Variants in VAV2 observed in about 807,000 individuals in gnomAD.
VAV2 encodes vav guanine nucleotide exchange factor 2.
VAV2 carries 67 observed loss-of-function variants against 132.5 expected under a neutral mutation model. The observed-to-expected ratio is 0.51, with a 90% CI of 0.42 to 0.62. VAV2 has a LOEUF of 0.62. Ranked by LOEUF, VAV2 falls within the 20% of genes least tolerant of loss-of-function variation. The pLI is 0.00. For missense variants in VAV2, 938 were observed against 1,153.6 expected, an observed-to-expected ratio of 0.81 and a Z score of 2.71; for synonymous variants, 492 against 443.5, an observed-to-expected ratio of 1.11 and a Z score of -1.37.
In VAV2 at chr9:133,812,099, C is replaced by T. The variant is rs369625256; in HGVS notation, c.552+15G>A. On this transcript the variant is annotated intron_variant, in intron 5 of 29. Coordinates refer to ENST00000371850, the MANE Select transcript of VAV2 (RefSeq NM_001134398.2). ...GAAGGGAGGGGAAGGGAGGGAGGAGCGGGGCAGGGCTCACCATGGGCTGCT... is the reference window on the plus strand; with the variant it reads ...GAAGGGAGGGGAAGGGAGGGAGGAGTGGGGCAGGGCTCACCATGGGCTGCT... 26 of 1,612,044 alleles carry T rather than the reference C, an allele frequency of 1.6e-5. No homozygotes were observed. Among genetic ancestry groups the T allele is most frequent in the East Asian group, 6.7e-5 (3 of 44,850 alleles).
In VAV2 at chr9:133,857,499, C is replaced by T. The variant is rs1251609141; in HGVS notation, c.380+3875G>A. On this transcript the variant is annotated intron_variant, in intron 3 of 29. Transcript: ENST00000371850. This position sits in a 1 kb window ranked among gnomAD's most constrained non-coding sequence, Gnocchi z 4.0. ...AGGAGCACGTTGGGCTCCTACCCAG[C>T]CATGAAATGAGGGAGAGATTCTTCA... 1.3e-5 allele frequency among the ~76,000 whole-genome samples: 2 copies of T among 152,190 alleles called. No individual in the cohort carries two copies. Among genetic ancestry groups the T allele is most frequent in the South Asian group, 2.1e-4 (1 of 4,830 alleles).
intron 4 of VAV2, among the ~76,000 whole-genome samples, chr9:133,822,702 C>A (rs180802886): frequency 2.6e-5 from 4 of 152,182 alleles, no homozygotes; most frequent in Admixed American, 2.6e-4. Context: ...GAAGGAGACC[C>A]GTCCACCGGA....
At chr9:133,830,182 C>T (rs1286886147) in intron 4 of VAV2, among the ~76,000 whole-genome samples, 1 of 152,186 alleles carries the variant, frequency 6.6e-6, no homozygotes, top group East Asian at 1.9e-4. Context: ...TCTGGGCAGT[C>T]AGCGGAGTCC....
At chr9:133,783,361 T>C (rs2510232) in intron 19 of VAV2, 142 bp downstream of exon 19, 659,117 of 750,696 alleles carry the variant, frequency 0.88, 290,855 homozygotes, top group East Asian at 1. Flanking sequence ...TGGTGTCTGC[T>C]CTGGGGCACG....
chr9:133,895,319 G>A (rs1175273082), intron 2 of VAV2, among the ~76,000 whole-genome samples: 2 of 152,132 alleles, frequency 1.3e-5, no homozygotes, highest in East Asian at 1.9e-4. Flanking sequence ...GAGGCAGGAG[G>A]CCACCATTCA....
rs759861136 is a variant in VAV2 at position 133,806,204 on chromosome 9, G to A, written c.736-23C>T. On this transcript the variant is annotated intron_variant, in intron 8 of 29. Coordinates refer to ENST00000371850, the MANE Select transcript of VAV2 (RefSeq NM_001134398.2). ...GTCCTGGGTTGAAAACCAGCCGTGA[G>A]TGCCTGGCCAGGCCCACCCAAGGCT... is the stretch of plus-strand genomic sequence containing the variant. The A allele has an allele frequency of 3.7e-6, 6 of 1,604,238 alleles. No individual in the cohort carries two copies. In the Admixed American group the frequency reaches 8.4e-5, roughly 23 times the overall value.
chr9:133,779,674 C>T (rs1271761611), intron 21 of VAV2, among the ~76,000 whole-genome samples: 1 of 152,172 alleles, frequency 6.6e-6, no homozygotes, highest in African/African-American at 2.4e-5. Flanking sequence ...GGCCCTTGCT[C>T]CTCTGCAGGC....
At chr9:133,801,738 C>T (rs762888829) in intron 9 of VAV2, among the ~76,000 whole-genome samples, 1 of 152,168 alleles carries the variant, frequency 6.6e-6, no homozygotes, top group African/African-American at 2.4e-5. Context: ...GTGGCCCTGA[C>T]TCCAATGAGA....
intron 1 of VAV2, among the ~76,000 whole-genome samples, chr9:133,981,886 T>TG (rs1307812482): frequency 6.0e-5 from 9 of 151,094 alleles, no homozygotes; most frequent in African/African-American, 2.2e-4. Flanking sequence ...AGGGCGGGGG[T>TG]GGGGGTCATG....
At chr9:133,871,500 G>A (rs1838053794) in intron 2 of VAV2, among the ~76,000 whole-genome samples, 1 of 151,306 alleles carries the variant, frequency 6.6e-6, no homozygotes, top group Non-Finnish European at 1.5e-5. Context: ...ATGGATGGAT[G>A]GATGGATGGA....
At chr9:133,838,192 C>T (rs1330345652) in intron 3 of VAV2, among the ~76,000 whole-genome samples, 1 of 151,976 alleles carries the variant, frequency 6.6e-6, no homozygotes, top group African/African-American at 2.4e-5. Flanking sequence ...CTGCTCTCTG[C>T]CTTTAGTCCC....
chr9:133,860,308 A>G (rs1317398706), intron 3 of VAV2, among the ~76,000 whole-genome samples: 1 of 152,122 alleles, frequency 6.6e-6, no homozygotes, highest in African/African-American at 2.4e-5. Context: ...GCTCAAAAAA[A>G]AAAAAAAGTC....
intron 20 of VAV2, chr9:133,780,187 C>T: frequency 1.8e-6 from 1 of 549,136 alleles, no homozygotes; most frequent in Non-Finnish European, 3.2e-6. Context: ...CCACGGGCCC[C>T]CACCTCCTCC....
At chr9:133,985,046 T>C (rs1842806540) in intron 1 of VAV2, among the ~76,000 whole-genome samples, 1 of 152,132 alleles carries the variant, frequency 6.6e-6, no homozygotes, top group Non-Finnish European at 1.5e-5. Flanking sequence ...CTGGCAGCAC[T>C]GATATAGACA....
At chr9:133,907,432 ACCT>A (rs1839699077) in intron 2 of VAV2, among the ~76,000 whole-genome samples, 1 of 152,208 alleles carries the variant, frequency 6.6e-6, no homozygotes, top group African/African-American at 2.4e-5. Flanking sequence ...GACAGAAGGA[ACCT>A]CACAGCCACG....
intron 2 of VAV2, among the ~76,000 whole-genome samples, 180 bp from the exon 3 acceptor site, chr9:133,861,612 A>T (rs1249752793): frequency 2.0e-5 from 3 of 152,158 alleles, no homozygotes; most frequent in African/African-American, 7.2e-5. Flanking sequence ...GCTGAGCAAA[A>T]CTTGTCATTT....
intron 13 of VAV2, among the ~76,000 whole-genome samples, 188 bp downstream of exon 13, chr9:133,791,595 G>A (rs1029552364): frequency 6.6e-6 from 1 of 151,602 alleles, no homozygotes; most frequent in Non-Finnish European, 1.5e-5. Flanking sequence ...TGGGTTGGCT[G>A]TCGTGGGCAA....
intron 17 of VAV2, among the ~76,000 whole-genome samples, chr9:133,784,831 C>A (rs1050565572): frequency 1.3e-5 from 2 of 152,134 alleles, no homozygotes; most frequent in African/African-American, 2.4e-5. Flanking sequence ...GGGGGCTGCA[C>A]TGGTGTGCAA....
At chr9:133,819,448 C>CAAAA (rs532943477) in intron 4 of VAV2, among the ~76,000 whole-genome samples, 2 of 136,452 alleles carry the variant, frequency 1.5e-5, no homozygotes, top group South Asian at 2.3e-4. Context: ...GGCTCCGTCT[C>CAAAA]AAAAAAAAAA....
Sources: allele counts gnomAD v4.1 joint callset (sites outside exome capture counted in the v4.1 genomes callset), GRCh38; gene constraint gnomAD v4.1.1; non-coding constraint Gnocchi (gnomAD v3.1); transcripts MANE v1.5; gene names NCBI Gene and HGNC (gene_info 2026-07-23, HGNC 2026-07-21).